HSPA12A: variants seen among roughly 807,000 people sequenced by gnomAD.
HSPA12A encodes heat shock 70 kDa protein 12A.
Under a neutral mutation model 69.2 loss-of-function variants are expected in HSPA12A, and 28 were observed. The ratio of observed to expected loss-of-function variants is 0.40; its 90% CI spans 0.30 to 0.55. HSPA12A has a LOEUF of 0.55. Ranked by LOEUF, HSPA12A falls within the 20% of genes least tolerant of loss-of-function variation. The probability of loss-of-function intolerance (pLI) is 0.38; values close to 1 mark genes in which losing one functional copy is unlikely to be tolerated. For synonymous variants in HSPA12A, 345 were observed against 370.5 expected, an observed-to-expected ratio of 0.93 and a Z score of 0.79; for missense variants, 686 against 900.7, an observed-to-expected ratio of 0.76 and a Z score of 3.05.
chr10:116,806,263 C>G (rs564492592), intron 2 of HSPA12A, among the ~76,000 whole-genome samples: 2 of 152,168 alleles, frequency 1.3e-5, no homozygotes, highest in Admixed American at 1.3e-4. Context: ...TGCAATGGCA[C>G]GATCTCAGCT....
chr10:116,769,169 C>T (rs1270240420), intron 2 of HSPA12A, among the ~76,000 whole-genome samples: 7 of 152,190 alleles, frequency 4.6e-5, no homozygotes, highest in African/African-American at 1.4e-4. Flanking sequence ...CATCACTTGA[C>T]CTCCCCTTCC....
intron 5 of HSPA12A, chr10:116,698,387 G>T (rs929844211): frequency 1.0e-5 from 4 of 389,042 alleles, no homozygotes; most frequent in East Asian, 3.8e-5. Context: ...GAGCTGCTGG[G>T]TCCTACGGTA....
chr10:116,712,959 T>C (rs1850480551), intron 1 of HSPA12A, among the ~76,000 whole-genome samples: 1 of 130,544 alleles, frequency 7.7e-6, no homozygotes, highest in Non-Finnish European at 1.6e-5. Flanking sequence ...GTCTGGTACT[T>C]ATGATTTTAA....
chr10:116,707,804 C>G (rs1554882692), intron 1 of HSPA12A, among the ~76,000 whole-genome samples: 2 of 152,186 alleles, frequency 1.3e-5, no homozygotes, highest in African/African-American at 4.8e-5. Flanking sequence ...GAAAGAGCGT[C>G]CTTGCCTAGC....
chr10:116,676,959 A>G (rs1005076098), intron 10 of HSPA12A, among the ~76,000 whole-genome samples: 1 of 152,190 alleles, frequency 6.6e-6, no homozygotes, highest in African/African-American at 2.4e-5. Flanking sequence ...GAGTAAGCCT[A>G]ATTCTACTAG....
At position 116,742,029 on chromosome 10, in the gene HSPA12A, G is replaced by C. The variant is rs555894691; in HGVS notation, c.40+401C>G. Among the ~76,000 whole-genome samples, 9 of 152,292 alleles carry C rather than the reference G, an allele frequency of 5.9e-5. No individual in the cohort carries two copies. In the South Asian group the frequency reaches 1.9e-3, roughly 32 times the overall value. On this transcript the variant is annotated intron_variant, in intron 1 of 11. Coordinates refer to ENST00000369209, the MANE Select transcript of HSPA12A (RefSeq NM_025015.3). The stretch of plus-strand genomic sequence containing the variant: ...ACCCGCTGGGGCCACCCGGCCACCC[G>C]GCGGCGGGCCCTTTACCCAGCCAGC...
intron 2 of HSPA12A, chr10:116,831,398 G>A (rs1433000912): frequency 1.3e-5 from 2 of 152,212 alleles, no homozygotes; most frequent in Non-Finnish European, 2.9e-5. Flanking sequence ...GGATAAGAAA[G>A]GTTTGTTCAA....
chr10:116,793,533 T>G (rs1036683005), intron 2 of HSPA12A, among the ~76,000 whole-genome samples: 3 of 152,146 alleles, frequency 2.0e-5, no homozygotes, highest in African/African-American at 7.2e-5. Flanking sequence ...ATCACACCAC[T>G]GTTCTCTAAC....
At chr10:116,699,479 C>T (rs782101764) in intron 4 of HSPA12A, among the ~76,000 whole-genome samples, 19 of 132,040 alleles carry the variant, frequency 1.4e-4, no homozygotes, top group Non-Finnish European at 2.4e-4. Context: ...AACCAACAAA[C>T]TCATTACTGC....
At chr10:116,750,383 G>C in intron 2 of HSPA12A, 1 of 714,476 alleles carries the variant, frequency 1.4e-6, no homozygotes, top group Admixed American at 1.7e-5. Context: ...AGTCTTGGGG[G>C]GCCTTGAAGG....
chr10:116,737,518 A>G (rs2133060075), intron 1 of HSPA12A, among the ~76,000 whole-genome samples: 1 of 152,366 alleles, frequency 6.6e-6, no homozygotes, highest in South Asian at 2.1e-4. Flanking sequence ...AAAGATAAGG[A>G]GCGCAACCAC....
chr10:116,847,976 G>A (rs1351089636), intron 1 of HSPA12A, among the ~76,000 whole-genome samples: 1 of 152,244 alleles, frequency 6.6e-6, no homozygotes, highest in Admixed American at 6.5e-5. Flanking sequence ...TGGCTTCTTT[G>A]ATGTGGGACT....
chr10:116,749,478 T>G (rs1392180308), intron 2 of HSPA12A, among the ~76,000 whole-genome samples: 4 of 152,192 alleles, frequency 2.6e-5, no homozygotes, highest in African/African-American at 9.7e-5. Flanking sequence ...AAGAAGAAAG[T>G]GGCAGAGGAA....
chr10:116,692,138 T>C (rs1478785745), intron 6 of HSPA12A, among the ~76,000 whole-genome samples: 1 of 152,228 alleles, frequency 6.6e-6, no homozygotes, highest in Non-Finnish European at 1.5e-5. Flanking sequence ...CCAGCTCTTG[T>C]TGTGGGACTG....
intron 2 of HSPA12A, among the ~76,000 whole-genome samples, chr10:116,813,657 T>C (rs180863074): frequency 0.01 from 1,529 of 152,198 alleles, 20 homozygotes; most frequent in African/African-American, 0.032. Context: ...GGCGGGAGGA[T>C]TGCTTGAGCC....
chr10:116,848,848 A>G lies in HSPA12A; in HGVS notation c.3+718T>C, dbSNP rs568012265. Among the ~76,000 whole-genome samples, 233 of 151,980 alleles carry G rather than the reference A, an allele frequency of 1.5e-3. 1 individual carries two copies. The highest frequency in any genetic ancestry group is 5.0e-3 in the African/African-American group (209 of 41,430). On this transcript the variant is annotated intron_variant, in intron 1 of 12. Transcript: ENST00000635765. ...CCATCCCTTAGGGTTCACCCCAGAT[A>G]TTTTCAACCCACACTGGTTTTTTTC...
intron 6 of HSPA12A, among the ~76,000 whole-genome samples, chr10:116,688,395 C>T (rs567935856): frequency 7.2e-5 from 11 of 152,248 alleles, no homozygotes; most frequent in Non-Finnish European, 1.3e-4. Flanking sequence ...GGAGCGACAT[C>T]GTAGTAGCTT....
In HSPA12A at chr10:116,710,093, G is replaced by A. The variant is rs1554882915; in HGVS notation, c.41-2808C>T. Among the ~76,000 whole-genome samples the A allele has an allele frequency of 6.6e-6, 1 of 152,166 alleles. No homozygotes were observed. Among genetic ancestry groups the A allele is most frequent in the Non-Finnish European group, 1.5e-5 (1 of 68,020 alleles). ...CAAGGGAACCCCTTCCATGAATGCA[G>A]GGGGAACTCTGCCTCCCCACTAGGG... On this transcript the variant is annotated intron_variant, in intron 1 of 11. Transcript: ENST00000369209. The surrounding 1 kb of genome is among the most constrained non-coding windows in gnomAD (Gnocchi z 4.1).
At chr10:116,781,239 G>A (rs1554891767) in intron 2 of HSPA12A, among the ~76,000 whole-genome samples, 2 of 152,200 alleles carry the variant, frequency 1.3e-5, no homozygotes, top group Admixed American at 6.5e-5. Context: ...GGCCGAGGGT[G>A]CAGTGAAACT....
Sources: gnomAD v4.1 joint callset for allele counts (sites outside exome capture counted in the v4.1 genomes callset) on GRCh38, gnomAD v4.1.1 for gene constraint, Gnocchi (gnomAD v3.1) non-coding constraint, MANE v1.5 for transcripts, NCBI Gene and HGNC (gene_info 2026-07-23, HGNC 2026-07-21) for gene names.